Variants in RABGAP1L observed in about 807,000 individuals in gnomAD.
RABGAP1L encodes the protein RAB GTPase activating protein 1 like, also known as rab GTPase-activating protein 1-like.
Under a neutral mutation model 137.7 loss-of-function variants are expected in RABGAP1L, and 63 were observed. That is an observed-to-expected ratio of 0.46 (90% confidence interval 0.37 to 0.56). The LOEUF (loss-of-function observed/expected upper bound fraction) is 0.56. Ranked by LOEUF, RABGAP1L falls within the 20% of genes least tolerant of loss-of-function variation. RABGAP1L has a pLI of 0.00. For synonymous variants in RABGAP1L, 431 were observed against 433.7 expected, an observed-to-expected ratio of 0.99 and a Z score of 0.08; for missense variants, 1,095 against 1,244.0, an observed-to-expected ratio of 0.88 and a Z score of 1.80.
At chr1:174,403,253 A>G (rs868356493) in intron 13 of RABGAP1L, among the ~76,000 whole-genome samples, 1,994 of 125,586 alleles carry the variant, frequency 0.016, 63 homozygotes, top group African/African-American at 0.048. Context: ...GTGTGTATAT[A>G]TATGTGTATA....
At chr1:174,318,632 C>CTTTCTTTCTTTCTTTCT (rs761718995) in intron 11 of RABGAP1L, among the ~76,000 whole-genome samples, 1 of 86,470 alleles carries the variant, frequency 1.2e-5, no homozygotes, top group Admixed American at 1.1e-4. Flanking sequence ...TTCTTTCTTT[C>CTTTCTTTCTTTCTTTCT]TTTTTCTTTC....
intron 13 of RABGAP1L, among the ~76,000 whole-genome samples, chr1:174,544,600 C>G (rs546461997): frequency 5.3e-5 from 8 of 152,330 alleles, no homozygotes; most frequent in African/African-American, 1.9e-4. Flanking sequence ...CTTCTTCTCT[C>G]AACTTGTCAA....
chr1:174,393,468 G>A (rs963994074), intron 12 of RABGAP1L, among the ~76,000 whole-genome samples: 4 of 152,124 alleles, frequency 2.6e-5, no homozygotes, highest in African/African-American at 7.2e-5. Context: ...ACTATAATAT[G>A]TATGCCTTAT....
chr1:174,166,771 A>C (rs1329242460), intron 1 of RABGAP1L, among the ~76,000 whole-genome samples: 1 of 152,220 alleles, frequency 6.6e-6, no homozygotes, highest in African/African-American at 2.4e-5. Context: ...TTGACCCACC[A>C]GTTCTGTAAA....
At chr1:174,511,563 C>CT (rs1167444133) in intron 13 of RABGAP1L, among the ~76,000 whole-genome samples, 5 of 151,538 alleles carry the variant, frequency 3.3e-5, no homozygotes, top group African/African-American at 1.2e-4. Context: ...AATTTTGACT[C>CT]TATCAATCTA....
chr1:174,683,667 T>A, intron 15 of RABGAP1L, 71 bp downstream of exon 15: 1 of 1,192,400 alleles, frequency 8.4e-7, no homozygotes, highest in Non-Finnish European at 1.2e-6. Context: ...GGCTTTGTTC[T>A]TCCTTCTTAT....
rs1440671508 is a variant in RABGAP1L, at chr1:174,418,098, A to G, written c.1710+23953A>G. On this transcript the variant is annotated intron_variant, in intron 13 of 25. Coordinates refer to ENST00000681986, the MANE Select transcript of RABGAP1L (RefSeq NM_001366446.1). The stretch of plus-strand genomic sequence containing the variant: ...CAAATGCTGAGGCATGGCTGCACAT[A>G]TGCAGAACTTGTTTTGCTTGTTGGT... Among the ~76,000 whole-genome samples, 5 of 152,314 alleles carry G rather than the reference A, an allele frequency of 3.3e-5. No individual in the cohort carries two copies. In the East Asian group the frequency reaches 5.8e-4, roughly 18 times the overall value.
chr1:174,575,705 T>A (rs1350959462), intron 13 of RABGAP1L, among the ~76,000 whole-genome samples: 1 of 152,210 alleles, frequency 6.6e-6, no homozygotes, highest in Non-Finnish European at 1.5e-5. Context: ...AAATGGTTTA[T>A]TGTATTTATT....
chr1:174,972,136 C>T (rs780976553), intron 21 of RABGAP1L, among the ~76,000 whole-genome samples: 3 of 152,206 alleles, frequency 2.0e-5, no homozygotes, highest in Non-Finnish European at 4.4e-5. Context: ...TGTTTGCTAT[C>T]TGCTTTCAGG....
intron 19 of RABGAP1L, among the ~76,000 whole-genome samples, chr1:174,851,986 A>G (rs1177090106): frequency 6.6e-6 from 1 of 152,226 alleles, no homozygotes; most frequent in Non-Finnish European, 1.5e-5. Context: ...CACTTAAATT[A>G]ACCCAATTTT....
At chr1:174,943,540 A>G (rs936218026) in intron 19 of RABGAP1L, among the ~76,000 whole-genome samples, 1 of 152,128 alleles carries the variant, frequency 6.6e-6, no homozygotes, top group African/African-American at 2.4e-5. Context: ...TATTTCTTTT[A>G]AGACTTTATC....
In RABGAP1L at chr1:174,250,687, C is replaced by T. The variant is rs1277934977; in HGVS notation, c.875+55C>T. ...CATTGTATCTGGAGTATAATATAGG[C>T]GCATATAAAGTTTCAAGAAACTATA... On this transcript the variant is annotated intron_variant, in intron 6 of 25. Transcript: ENST00000681986. The T allele has an allele frequency of 1.7e-5, 26 of 1,490,898 alleles. No homozygotes were observed. The Middle Eastern group carries it at 1.6e-3, about 92-fold the overall frequency. The allele number at this position is 1,490,898 out of a possible 1,614,324, so 92.4% of individuals were successfully genotyped here. A position where few individuals can be genotyped will look rare whatever the true frequency, so the allele number is the denominator to read the frequency against.
intron 18 of RABGAP1L, among the ~76,000 whole-genome samples, chr1:174,770,885 A>C (rs1291566763): frequency 3.3e-5 from 5 of 152,234 alleles, no homozygotes; most frequent in African/African-American, 4.8e-5. Flanking sequence ...GTTAGATGTC[A>C]GGGGATACAG....
chr1:174,755,778 CAG>C, intron 18 of RABGAP1L, among the ~76,000 whole-genome samples: 1 of 152,218 alleles, frequency 6.6e-6, no homozygotes, highest in East Asian at 1.9e-4. Context: ...TCCAGAAGAA[CAG>C]TGTGAAAGGA....
intron 17 of RABGAP1L, among the ~76,000 whole-genome samples, chr1:174,713,811 A>G (rs891462958): frequency 3.9e-5 from 6 of 152,232 alleles, no homozygotes; most frequent in African/African-American, 1.4e-4. Context: ...TACCTCCAAA[A>G]TAGGTCTTGA....
rs1268238497 is a variant in RABGAP1L, at chr1:174,946,938, ATATG to A, written c.2341-10517_2341-10514del. ...AAAAAATATATATATATATATATAT[ATATG>A]TGTGTGTGTGTGTGTGTGTGTGTGT... On this transcript the variant is annotated intron_variant, in intron 19 of 25. Coordinates refer to ENST00000681986, the MANE Select transcript of RABGAP1L (RefSeq NM_001366446.1). 6.0e-3 allele frequency among the ~76,000 whole-genome samples: 389 copies of A among 65,300 alleles called. 4 individuals are homozygous for A. Among genetic ancestry groups the A allele is most frequent in the African/African-American group, 0.026 (341 of 13,044 alleles). The allele number at this position is 65,300 out of a possible 152,430, so 42.8% of individuals were successfully genotyped here. A position where few individuals can be genotyped will look rare whatever the true frequency, so the allele number is the denominator to read the frequency against.
chr1:174,721,741 G>A (rs1187473586), intron 17 of RABGAP1L, among the ~76,000 whole-genome samples: 1 of 152,116 alleles, frequency 6.6e-6, no homozygotes, highest in East Asian at 1.9e-4. Context: ...AAGTATTTGG[G>A]GGCTTATTCA....
intron 13 of RABGAP1L, among the ~76,000 whole-genome samples, chr1:174,632,236 G>A (rs2148317521): frequency 7.0e-6 from 1 of 142,808 alleles, no homozygotes; most frequent in South Asian, 2.3e-4. Context: ...CTCTCTTCTG[G>A]CTTGTAGGGT....
chr1:174,550,501 A>G (rs954265114), intron 13 of RABGAP1L, among the ~76,000 whole-genome samples: 1 of 152,176 alleles, frequency 6.6e-6, no homozygotes, highest in Non-Finnish European at 1.5e-5. Flanking sequence ...AAAGTCAGCC[A>G]GCGACTACTC....
Sources: gnomAD v4.1 joint callset for allele counts (sites outside exome capture counted in the v4.1 genomes callset) on GRCh38, gnomAD v4.1.1 for gene constraint, MANE v1.5 for transcripts, NCBI Gene and HGNC (gene_info 2026-07-23, HGNC 2026-07-21) for gene names.